The following LAMA5 variants were observed in gnomAD, a reference collection of about 807,000 sequenced individuals.
LAMA5 encodes laminin subunit alpha 5, also known as laminin subunit alpha-5.
A neutral mutation model predicts 433.4 loss-of-function variants in LAMA5; 260 were observed. The observed-to-expected ratio is 0.60, with a 90% CI of 0.54 to 0.66. The LOEUF is 0.66. Ranked by LOEUF, LAMA5 falls within the 30% of genes least tolerant of loss-of-function variation. The probability of loss-of-function intolerance (pLI) is 0.00; values close to 1 mark genes in which losing one functional copy is unlikely to be tolerated. For missense variants in LAMA5, 5,378 were observed against 5,258.5 expected, an observed-to-expected ratio of 1.02 and a Z score of -0.70; for synonymous variants, 2,620 against 2,226.6, an observed-to-expected ratio of 1.18 and a Z score of -4.97.
In LAMA5 at chr20:62,320,773, A is replaced by G. The variant is rs758166617; in HGVS notation, c.6614T>C (p.Leu2205Pro). 10 of 1,612,694 alleles carry G rather than the reference A, an allele frequency of 6.2e-6. No homozygotes were observed. The highest frequency in any genetic ancestry group is 6.8e-6 in the Non-Finnish European group (8 of 1,179,918). Residue 2205 changes from leucine to proline, a missense_variant, in exon 49 of 80, where the codon CTG (leucine) becomes CCG (proline). Coordinates refer to ENST00000252999, the MANE Select transcript of LAMA5 (RefSeq NM_005560.6). ...AGCGATGGAGGCGTTCAGCCTGTGCAGACGGGCCCAGGCCATGGAGCTGGC... is the reference window on the plus strand; with the variant it reads ...AGCGATGGAGGCGTTCAGCCTGTGCGGACGGGCCCAGGCCATGGAGCTGGC... ...INASSMAWAR[L>P]HRLNASIADL...
In LAMA5 at chr20:62,322,383, C is replaced by A; in HGVS notation, c.6232G>T (p.Gly2078Cys). 1 of 1,591,494 alleles carries A rather than the reference C, an allele frequency of 6.3e-7. No individual in the cohort carries two copies. The change falls in exon 47 of 80, where the codon GGC (glycine) becomes TGC (cysteine). Residue 2078 changes from glycine (G) to cysteine (C), a missense_variant. Coordinates refer to ENST00000252999, the MANE Select transcript of LAMA5 (RefSeq NM_005560.6). Reference protein sequence around the residue: ...RPCACGPAAEGSECHPQSGQC... With the variant: ...RPCACGPAAECSECHPQSGQC... Reference sequence around the variant, plus strand: ...CCGCTCTGGGGGTGGCACTCGGAGCCCTCGGCGGCCGGTCCACAAGCACAC... The same window carrying A: ...CCGCTCTGGGGGTGGCACTCGGAGCACTCGGCGGCCGGTCCACAAGCACAC...
At chr20:62,338,701 T>C (rs2146240727) in intron 11 of LAMA5, 93 bp from the exon 12 acceptor site, 1 of 1,286,826 alleles carries the variant, frequency 7.8e-7, no homozygotes, top group East Asian at 2.5e-5. Flanking sequence ...AAACTCATTT[T>C]CTTACACTTT....
rs1161826711 is a variant in LAMA5, at chr20:62,332,489, G to A, written c.3444-9C>T. On this transcript the variant is annotated splice_polypyrimidine_tract_variant and intron_variant, in intron 27 of 79. Coordinates refer to ENST00000252999, the MANE Select transcript of LAMA5 (RefSeq NM_005560.6). ...TGCCCCGGCACAGGGTGCTGTGGGG[G>A]GAGGGTGGTCAGCAGGTGGGGCAGC... The A allele has an allele frequency of 6.2e-7, 1 of 1,611,450 alleles. No individual in the cohort carries two copies. The highest frequency in any genetic ancestry group is 8.5e-7 in the Non-Finnish European group (1 of 1,179,094).
rs527868169 is a variant in LAMA5 at position 62,320,465 on chromosome 20, G to A, written c.6759+94C>T. ...GTCCCCTGCACTGACACATGTACGA[G>A]GCATGAAGTAACATCTGCTGAATGA... On this transcript the variant is annotated intron_variant, in intron 50 of 79. Transcript: ENST00000252999. The A allele has an allele frequency of 1.7e-5, 16 of 922,148 alleles. No individual in the cohort carries two copies. The South Asian group carries it at 1.9e-4, about 11-fold the overall frequency. 57.1% of individuals were successfully genotyped at this position (922,148 alleles called of 1,614,324 possible).
chr20:62,339,276 C>T (rs529296700), intron 11 of LAMA5, among the ~76,000 whole-genome samples: 19 of 128,294 alleles, frequency 1.5e-4, no homozygotes, highest in Admixed American at 2.8e-4. Flanking sequence ...CTTGATCTGT[C>T]GCCCAGGCTA....
rs766023691 is a variant in LAMA5 at position 62,310,706 on chromosome 20, C to T, written c.10405G>A (p.Val3469Met). Residue 3469 changes from valine (V) to methionine (M), a missense_variant, in exon 75 of 80, where the codon GTG becomes ATG. By Grantham distance (21) the Val-to-Met change is conservative (BLOSUM62 1). Coordinates refer to ENST00000252999, the MANE Select transcript of LAMA5 (RefSeq NM_005560.6). ...TGGCTGCTGGCCGGGAGGCCGCCCA[C>T]AAAGAGGGTGTGGGGCTGGGGGTGC... ...AEHPQPHTLF[V>M]GGLPASSHSS... The T allele has an allele frequency of 6.2e-7, 1 of 1,601,084 alleles. No homozygotes were observed. The highest frequency in any genetic ancestry group is 1.1e-5 in the South Asian group (1 of 89,848).
intron 21 of LAMA5, 89 bp downstream of exon 21, chr20:62,334,433 A>G: frequency 1.3e-6 from 2 of 1,514,958 alleles, no homozygotes; most frequent in South Asian, 2.5e-5. Flanking sequence ...GTGAGGCCTC[A>G]CGTGGGCCCA....
At position 62,338,391 on chromosome 20, in the gene LAMA5, A is replaced by G. The variant is rs375632509; in HGVS notation, c.1619-22T>C. On this transcript the variant is annotated intron_variant, in intron 12 of 79. Coordinates refer to ENST00000252999, the MANE Select transcript of LAMA5 (RefSeq NM_005560.6). ...CAGGCTGCAGGAAAGGGTGGCCCAC[A>G]TGCTTGGTCAGAGGCACCAGGCCTC... The G allele has an allele frequency of 6.8e-5, 110 of 1,606,576 alleles. 1 individual carries two copies. The highest frequency in any genetic ancestry group is 8.5e-5 in the Non-Finnish European group (100 of 1,176,478).
chr20:62,366,264 G>C (rs1282018229), intron 1 of LAMA5, among the ~76,000 whole-genome samples: 1 of 152,210 alleles, frequency 6.6e-6, no homozygotes, highest in Non-Finnish European at 1.5e-5. Flanking sequence ...TCCACCAACA[G>C]AACCCGCCTA....
Position 62,323,919 on chromosome 20 carries a change from C to T in LAMA5, c.5769-63G>A. ...CAGTGCCCGGGCCCGGGCGAGCACA[C>T]TGTGCTCCGGCTGGAACACACGCCA... On this transcript the variant is annotated intron_variant, in intron 43 of 79. Coordinates refer to ENST00000252999, the MANE Select transcript of LAMA5 (RefSeq NM_005560.6). 3 of 1,500,652 alleles carry T rather than the reference C, an allele frequency of 2.0e-6. 1 individual carries two copies. Among genetic ancestry groups the T allele is most frequent in the South Asian group, 2.4e-5 (2 of 81,804 alleles). 93.0% of individuals were successfully genotyped at this position (1,500,652 alleles called of 1,614,324 possible). A position where few individuals can be genotyped will look rare whatever the true frequency, so the allele number is the denominator to read the frequency against.
rs1985658386 is a variant in LAMA5 at position 62,359,093 on chromosome 20, C to A, written c.450+3307G>T. On this transcript the variant is annotated intron_variant, in intron 2 of 79. Coordinates refer to ENST00000252999, the MANE Select transcript of LAMA5 (RefSeq NM_005560.6). This position sits in a 1 kb window ranked among gnomAD's most constrained non-coding sequence, Gnocchi z 4.3. ...CAGCTCTGGGCCTCGGGGACTGGGA[C>A]AAAGCCGCTACCCCACCTGTAGCAC... 6.6e-6 allele frequency among the ~76,000 whole-genome samples: 1 copy of A among 152,186 alleles called. No individual in the cohort carries two copies. The highest frequency in any genetic ancestry group is 2.4e-5 in the African/African-American group (1 of 41,440).
chr20:62,357,054 CAGCCTCCT>C (rs1313102927), intron 2 of LAMA5, among the ~76,000 whole-genome samples: 1 of 152,158 alleles, frequency 6.6e-6, no homozygotes, highest in Admixed American at 6.5e-5. Flanking sequence ...TGTTGGCTAG[CAGCCTCCT>C]GGGCTGAGGC....
rs369331194 is a variant in LAMA5, at chr20:62,310,298, A to T, written c.10614T>A (p.Ala3538=). ...GTTCCAGGCCCACATCAGGCAGTGT[A>T]GCTCCTGGGAGGTCTGCGGGGAGGG... ...GGVITLDLPG[A]TLPDVGLELE... The change falls in exon 77 of 80, where the codon GCT becomes GCA. Residue 3538 remains alanine, a synonymous_variant. Coordinates refer to ENST00000252999, the MANE Select transcript of LAMA5 (RefSeq NM_005560.6). The T allele has an allele frequency of 6.2e-7, 1 of 1,606,358 alleles. No individual in the cohort carries two copies. Among genetic ancestry groups the T allele is most frequent in the Non-Finnish European group, 8.5e-7 (1 of 1,175,762 alleles).
chr20:62,336,757 G>A lies in LAMA5; in HGVS notation c.2194C>T (p.Pro732Ser). ...AGSCHPAGLA[P>S]VDPALPEAQV... Reference sequence around the variant, plus strand: ...ACCTCAGGAAGGGCAGGATCCACTGGGGCCAGACCGGCAGGGTGGCAAGAG... The same window carrying A: ...ACCTCAGGAAGGGCAGGATCCACTGAGGCCAGACCGGCAGGGTGGCAAGAG... The change falls in exon 17 of 80, where the codon CCA (proline) becomes TCA (serine). Residue 732 changes from proline to serine, a missense_variant. Coordinates refer to ENST00000252999, the MANE Select transcript of LAMA5 (RefSeq NM_005560.6). 1 of 1,613,068 alleles carries A rather than the reference G, an allele frequency of 6.2e-7. No individual in the cohort carries two copies. Among genetic ancestry groups the A allele is most frequent in the Non-Finnish European group, 8.5e-7 (1 of 1,179,996 alleles).
In LAMA5 at chr20:62,329,260, G is replaced by A. The variant is rs1601340855; in HGVS notation, c.4120-7C>T. On this transcript the variant is annotated splice_region_variant and splice_polypyrimidine_tract_variant and intron_variant, in intron 32 of 79. Coordinates refer to ENST00000252999, the MANE Select transcript of LAMA5 (RefSeq NM_005560.6). ...GGACCACGAGTACATAATCCTAGGG[G>A]GTGAGGCCTGGTCACTCTCCCGCGG... The A allele has an allele frequency of 1.3e-6, 2 of 1,597,896 alleles. No homozygotes were observed. Among genetic ancestry groups the A allele is most frequent in the African/African-American group, 1.3e-5 (1 of 74,710 alleles).
chr20:62,322,853 C>T, intron 45 of LAMA5, 95 bp from the exon 46 acceptor site: 1 of 803,540 alleles, frequency 1.2e-6, no homozygotes, highest in Non-Finnish European at 1.9e-6. Flanking sequence ...CTGCCTCCTG[C>T]TGTGTCTCCT....
At position 62,309,617 on chromosome 20, in the gene LAMA5, G is replaced by A; in HGVS notation, c.10948+99C>T. ...TGGTAGGGGGGTGGGAGGAGGGTGGGAGGGGGCAGGGGGTGGAGGGGTGGG... is the reference window on the plus strand; with the variant it reads ...TGGTAGGGGGGTGGGAGGAGGGTGGAAGGGGGCAGGGGGTGGAGGGGTGGG... On this transcript the variant is annotated intron_variant, in intron 79 of 79. Coordinates refer to ENST00000252999, the MANE Select transcript of LAMA5 (RefSeq NM_005560.6). 4 of 508,604 alleles carry A rather than the reference G, an allele frequency of 7.9e-6. No individual in the cohort carries two copies. The East Asian group carries it at 1.7e-4, about 21-fold the overall frequency. The allele number at this position is 508,604 out of a possible 1,614,324, so 31.5% of individuals were successfully genotyped here.
Position 62,309,819 on chromosome 20 carries a change from A to T in LAMA5, c.10845T>A (p.Asn3615Lys). Residue 3615 changes from asparagine (N) to lysine (K), a missense_variant, in exon 79 of 80, where the codon AAT becomes AAA. Coordinates refer to ENST00000252999, the MANE Select transcript of LAMA5 (RefSeq NM_005560.6). ...GCGCGTCCACCTCCAGCCGGAGCAC[A>T]TTCCCGCTTTTCATCACTGGGAGAA... ...WHRLAVMKSG[N>K]VLRLEVDAQS... 1 of 1,611,584 alleles carries T rather than the reference A, an allele frequency of 6.2e-7. No individual in the cohort carries two copies. Among genetic ancestry groups the T allele is most frequent in the Non-Finnish European group, 8.5e-7 (1 of 1,179,562 alleles).
chr20:62,337,969 C>A, intron 14 of LAMA5, 31 bp from the exon 15 acceptor site: 1 of 1,596,948 alleles, frequency 6.3e-7, no homozygotes, highest in Non-Finnish European at 8.5e-7. Context: ...CAGGCCCTGG[C>A]GCCATGTGGG....
Sources: gnomAD v4.1 joint callset for allele counts (sites outside exome capture counted in the v4.1 genomes callset) on GRCh38, gnomAD v4.1.1 for gene constraint, Gnocchi (gnomAD v3.1) non-coding constraint, MANE v1.5 for transcripts, NCBI Gene and HGNC (gene_info 2026-07-23, HGNC 2026-07-21) for gene names.